The following HLCS variants were observed in gnomAD, a reference collection of about 807,000 sequenced individuals.
HLCS encodes holocarboxylase synthetase.
A neutral mutation model predicts 75.0 loss-of-function variants in HLCS; 53 were observed. The ratio of observed to expected loss-of-function variants is 0.71; its 90% CI spans 0.57 to 0.89. The LOEUF (loss-of-function observed/expected upper bound fraction) is 0.89. Ranked by LOEUF, HLCS falls within the 40% of genes least tolerant of loss-of-function variation. The pLI, the probability that HLCS is intolerant of heterozygous loss-of-function variation, is 0.00. For missense variants in HLCS, 966 were observed against 1,074.0 expected (o/e 0.90, Z 1.41); for synonymous variants, 431 against 428.6 (o/e 1.01, Z -0.07).
chr21:36,918,343 T>C (rs1057486511), intron 5 of HLCS, among the ~76,000 whole-genome samples: 4 of 152,194 alleles, frequency 2.6e-5, no homozygotes, highest in African/African-American at 9.7e-5. Context: ...ACCATTTCAC[T>C]GGATATAAAT....
At chr21:36,957,887 C>G (rs145116814) in intron 2 of HLCS, among the ~76,000 whole-genome samples, 120 of 148,374 alleles carry the variant, frequency 8.1e-4, no homozygotes, top group African/African-American at 2.6e-3. Flanking sequence ...CGAGATCGCG[C>G]CACTGCACTT....
intron 6 of HLCS, among the ~76,000 whole-genome samples, chr21:36,841,692 T>C (rs2062622236): frequency 6.6e-6 from 1 of 152,224 alleles, no homozygotes; most frequent in Non-Finnish European, 1.5e-5. Flanking sequence ...ACGATTCTTG[T>C]GAACTAATCT....
At chr21:36,787,756 C>T (rs1361167203) in intron 6 of HLCS, among the ~76,000 whole-genome samples, 1 of 152,202 alleles carries the variant, frequency 6.6e-6, no homozygotes, top group Non-Finnish European at 1.5e-5. Context: ...TCCTTCCTAC[C>T]TCACATGACC....
chr21:36,841,565 C>T lies in HLCS; in HGVS notation c.1892+55295G>A, dbSNP rs376981235. ...GATGGCAAGGGCTAGGGCTGCACAA[C>T]GTGGTGGCTAAGAGCACGGGAGTCA... On this transcript the variant is annotated intron_variant, in intron 6 of 10. Coordinates refer to ENST00000674895, the MANE Select transcript of HLCS (RefSeq NM_001352514.2). Among the ~76,000 whole-genome samples, 36 of 152,298 alleles carry T rather than the reference C, an allele frequency of 2.4e-4. 1 individual carries two copies. The East Asian group carries it at 4.2e-3, about 18-fold the overall frequency.
intron 6 of HLCS, among the ~76,000 whole-genome samples, chr21:36,797,694 G>C (rs966196391): frequency 6.6e-6 from 1 of 152,218 alleles, no homozygotes; most frequent in Non-Finnish European, 1.5e-5. Flanking sequence ...CTGCTCAGCA[G>C]AAGAAAAATT....
At chr21:36,892,061 G>A (rs1447648245) in intron 6 of HLCS, among the ~76,000 whole-genome samples, 1 of 152,146 alleles carries the variant, frequency 6.6e-6, no homozygotes, top group Non-Finnish European at 1.5e-5. Context: ...GATCTTGATG[G>A]TTACTCACAT....
At chr21:36,964,576 G>C (rs2068469146) in intron 1 of HLCS, among the ~76,000 whole-genome samples, 1 of 152,178 alleles carries the variant, frequency 6.6e-6, no homozygotes, top group Non-Finnish European at 1.5e-5. Context: ...TGGAAAACTA[G>C]GAAATGACGC....
intron 5 of HLCS, among the ~76,000 whole-genome samples, chr21:36,914,365 A>G (rs1291920548): frequency 1.3e-5 from 2 of 152,148 alleles, no homozygotes; most frequent in Non-Finnish European, 2.9e-5. Flanking sequence ...TGGCTATCTA[A>G]CCCCCAGGAA....
chr21:36,942,915 G>C (rs2067216069), intron 2 of HLCS, among the ~76,000 whole-genome samples: 1 of 151,778 alleles, frequency 6.6e-6, no homozygotes, highest in Admixed American at 6.6e-5. Flanking sequence ...GGGCGACAGA[G>C]CGAGACTCCA....
chr21:36,945,281 T>TA (rs2067336488), intron 2 of HLCS, among the ~76,000 whole-genome samples: 1 of 151,520 alleles, frequency 6.6e-6, no homozygotes, highest in Non-Finnish European at 1.5e-5. Context: ...TATATACAAC[T>TA]AAAAAAATAC....
At position 36,754,172 on chromosome 21, in the gene HLCS, T is replaced by C; in HGVS notation, c.*74A>G. ...CAAATGAATTGGAGGAAAAGAAAAT[T>C]CACCTACAACTCTAAATTAGATTTC... On this transcript the variant is annotated 3_prime_UTR_variant, in exon 11 of 11. Transcript: ENST00000674895. The C allele has an allele frequency of 7.0e-7, 1 of 1,421,858 alleles. No individual in the cohort carries two copies. Among genetic ancestry groups the C allele is most frequent in the East Asian group, 2.3e-5 (1 of 42,912 alleles). The allele number at this position is 1,421,858 out of a possible 1,614,324, so 88.1% of individuals were successfully genotyped here. A position where few individuals can be genotyped will look rare whatever the true frequency, so the allele number is the denominator to read the frequency against.
chr21:36,761,999 T>A (rs2089864765), intron 8 of HLCS, among the ~76,000 whole-genome samples: 1 of 152,236 alleles, frequency 6.6e-6, no homozygotes, highest in Non-Finnish European at 1.5e-5. Flanking sequence ...AACTCTGGGT[T>A]CTCACGCAGG....
At chr21:36,894,066 C>T (rs1403842903) in intron 6 of HLCS, among the ~76,000 whole-genome samples, 2 of 152,056 alleles carry the variant, frequency 1.3e-5, no homozygotes, top group Non-Finnish European at 2.9e-5. Flanking sequence ...GTGGATATTC[C>T]CCTTGCTGTT....
At chr21:36,865,200 A>G (rs2835510) in intron 6 of HLCS, among the ~76,000 whole-genome samples, 60,299 of 151,644 alleles carry the variant, frequency 0.4, 13,628 homozygotes, top group Admixed American at 0.53. Flanking sequence ...ATCTCAGGCA[A>G]GAGTCCACGT....
intron 1 of HLCS, among the ~76,000 whole-genome samples, chr21:36,973,428 A>G (rs1232296587): frequency 6.6e-6 from 1 of 152,128 alleles, no homozygotes; most frequent in Non-Finnish European, 1.5e-5. Context: ...TCTGATAAAT[A>G]TGAAAAAGTA....
At chr21:36,754,751 G>GTGTGCACACTGTGCAACACTGT (rs2089494715) in intron 10 of HLCS, among the ~76,000 whole-genome samples, 4 of 152,152 alleles carry the variant, frequency 2.6e-5, no homozygotes, top group Non-Finnish European at 5.9e-5. Context: ...TGCAACTCTA[G>GTGTGCACACTGTGCAACACTGT]GTTTTTTGGC....
intron 6 of HLCS, among the ~76,000 whole-genome samples, chr21:36,888,432 T>A (rs1241726726): frequency 1.3e-4 from 3 of 23,778 alleles, no homozygotes; most frequent in Admixed American, 6.9e-4. Flanking sequence ...CCTTCCCATT[T>A]AAAAAAAAAA....
rs183473915 is a variant in HLCS at position 36,814,592 on chromosome 21, G to A, written c.1893-47307C>T. Among the ~76,000 whole-genome samples the A allele has an allele frequency of 2.8e-3, 430 of 152,312 alleles. 1 individual carries two copies. The highest frequency in any genetic ancestry group is 4.6e-3 in the Non-Finnish European group (312 of 68,034). On this transcript the variant is annotated intron_variant, in intron 6 of 10. Coordinates refer to ENST00000674895, the MANE Select transcript of HLCS (RefSeq NM_001352514.2). ...CAGTTACCTCTTTCTGGTAGTCCAGGAAGTAGAGAAAAGGCAGCTCTAAGA... is the reference window on the plus strand; with the variant it reads ...CAGTTACCTCTTTCTGGTAGTCCAGAAAGTAGAGAAAAGGCAGCTCTAAGA...
chr21:36,989,014 AATTTT>A (rs919524992), intron 1 of HLCS, among the ~76,000 whole-genome samples: 194 of 148,790 alleles, frequency 1.3e-3, no homozygotes, highest in African/African-American at 4.4e-3. Context: ...TTTTCCTTTT[AATTTT>A]ATTTTATTTT....
Sources: gnomAD v4.1 joint callset for allele counts (sites outside exome capture counted in the v4.1 genomes callset) on GRCh38, gnomAD v4.1.1 for gene constraint, MANE v1.5 for transcripts, NCBI Gene and HGNC (gene_info 2026-07-23, HGNC 2026-07-21) for gene names.